The following TSC1 variants were observed in gnomAD, a reference collection of about 807,000 sequenced individuals.
TSC1 encodes the protein TSC complex subunit 1.
A neutral mutation model predicts 124.3 loss-of-function variants in TSC1; 20 were observed. The ratio of observed to expected loss-of-function variants is 0.16; its 90% CI spans 0.11 to 0.23. TSC1 has a LOEUF of 0.23. Among genes scored for constraint, TSC1 ranks in the 10% least tolerant of loss-of-function variants. TSC1 has a pLI of 1.00. For missense variants in TSC1, 1,124 were observed against 1,448.5 expected (o/e 0.78, Z 3.64); for synonymous variants, 493 against 539.1 (o/e 0.91, Z 1.19).
At position 132,891,380 on chromosome 9, in the gene TSC1, CAGTT is replaced by C. The variant is rs1348836524; in HGVS notation, c.*4851_*4854del. Reference sequence around the variant, plus strand: ...AAAACAATAAATTTTTATTTGTTCACAGTTAAACACAAGCAACTGCCTTGACATT... The same window carrying C: ...AAAACAATAAATTTTTATTTGTTCACAAACACAAGCAACTGCCTTGACATT... On this transcript the variant is annotated 3_prime_UTR_variant, in exon 23 of 23. Coordinates refer to ENST00000298552, the MANE Select transcript of TSC1 (RefSeq NM_000368.5). The C allele has an allele frequency of 4.3e-6, 1 of 232,434 alleles. No individual in the cohort carries two copies. Among genetic ancestry groups the C allele is most frequent in the Non-Finnish European group, 8.5e-6 (1 of 117,360 alleles). 14.4% of individuals were successfully genotyped at this position (232,434 alleles called of 1,614,324 possible). A position where few individuals can be genotyped will look rare whatever the true frequency, so the allele number is the denominator to read the frequency against.
chr9:132,899,860 G>A (rs886410023), intron 20 of TSC1: 2 of 152,128 alleles, frequency 1.3e-5, no homozygotes, highest in Admixed American at 6.5e-5. Context: ...CTTGTGCCTC[G>A]GATCTGTTTC....
chr9:132,910,696 A>G lies in TSC1; in HGVS notation c.1142-4T>C. On this transcript the variant is annotated splice_region_variant and splice_polypyrimidine_tract_variant and intron_variant, in intron 11 of 22. Coordinates refer to ENST00000298552, the MANE Select transcript of TSC1 (RefSeq NM_000368.5). ...AGAGGAGTTCCTTTTCCACCTGCTT[A>G]GAGACAAGGGCAGAACATATATGAA... 1 of 1,613,568 alleles carries G rather than the reference A, an allele frequency of 6.2e-7. No individual in the cohort carries two copies. Among genetic ancestry groups the G allele is most frequent in the Non-Finnish European group, 8.5e-7 (1 of 1,180,030 alleles).
rs141008354 is a variant in TSC1, at chr9:132,896,989, G to A, written c.2975+195C>T. On this transcript the variant is annotated intron_variant, in intron 22 of 22. Coordinates refer to ENST00000298552, the MANE Select transcript of TSC1 (RefSeq NM_000368.5). This position sits in a 1 kb window ranked among gnomAD's most constrained non-coding sequence, Gnocchi z 4.5. Reference sequence around the variant, plus strand: ...CTGTGGCCATATGGAGGGACTCAAGGCCAGGAACACGAACACGAAGAGATC... The same window carrying A: ...CTGTGGCCATATGGAGGGACTCAAGACCAGGAACACGAACACGAAGAGATC... Among the ~76,000 whole-genome samples, 23 of 152,298 alleles carry A rather than the reference G, an allele frequency of 1.5e-4. No homozygotes were observed. Among genetic ancestry groups the A allele is most frequent in the Non-Finnish European group, 2.9e-4 (20 of 68,032 alleles).
At chr9:132,899,285 C>T (rs1845249186) in intron 20 of TSC1, 1 of 152,230 alleles carries the variant, frequency 6.6e-6, no homozygotes, top group South Asian at 2.1e-4. Flanking sequence ...GTGGGGACAT[C>T]ATTGTGTCTG....
chr9:132,917,337 C>G (rs1846315666), intron 8 of TSC1, among the ~76,000 whole-genome samples: 1 of 151,980 alleles, frequency 6.6e-6, no homozygotes, highest in Non-Finnish European at 1.5e-5. Flanking sequence ...GTTTTCTTCT[C>G]TCTCTTTTTC....
chr9:132,894,558 C>A lies in TSC1; in HGVS notation c.*1677G>T, dbSNP rs1844929534. 8.8e-6 allele frequency: 2 copies of A among 228,568 alleles called. No homozygotes were observed. The highest frequency in any genetic ancestry group is 1.7e-5 in the Non-Finnish European group (2 of 114,952). The allele number at this position is 228,568 out of a possible 1,614,324, so 14.2% of individuals were successfully genotyped here. A position where few individuals can be genotyped will look rare whatever the true frequency, so the allele number is the denominator to read the frequency against. ...CTAGGCTGAGTAGTTGGGACCACGC[C>A]CTGCCACAGGCTGGGAATCAGTCAC... On this transcript the variant is annotated 3_prime_UTR_variant, in exon 23 of 23. Transcript: ENST00000298552.
In TSC1 at chr9:132,905,807, G is replaced by A. The variant is rs1429666367; in HGVS notation, c.1771C>T (p.Pro591Ser). Residue 591 changes from proline to serine, a missense_variant, in exon 15 of 23, where the codon CCG becomes TCG. By Grantham distance (74) the Pro-to-Ser change is moderately conservative. Around this residue, in one of 5 missense-constraint regions of TSC1, gnomAD observed 321 missense variants for 397.4 expected, o/e 0.81. Transcript: ENST00000298552. Reference sequence around the variant, plus strand: ...CCGCTTCCAAAGCCCACTCTCGTCGGAGGTGGAATTTTACAAGGACTGGGA... The same window carrying A: ...CCGCTTCCAAAGCCCACTCTCGTCGAAGGTGGAATTTTACAAGGACTGGGA... ...FTPSPCKIPP[P>S]TRVGFGSGQP... 2 of 1,614,220 alleles carry A rather than the reference G, an allele frequency of 1.2e-6. No individual in the cohort carries two copies. Among genetic ancestry groups the A allele is most frequent in the Non-Finnish European group, 1.7e-6 (2 of 1,180,048 alleles).
rs2132149022 is a variant in TSC1, at chr9:132,921,820, T to C, written c.662A>G (p.Lys221Arg). ...AACAAACAAGCAGTTTCAATTTACC[T>C]TGACCACTTCTTCAAAAGTCTCCAG... is the stretch of plus-strand genomic sequence containing the variant. ...ENLETFEEVV[K>R]PMMEHVRIHP... is the part of the protein sequence containing the mutation. The change falls in exon 7 of 23, where the codon AAG (lysine) becomes AGG (arginine). Residue 221 changes from lysine (K) to arginine (R), a missense_variant and splice_region_variant. Lys to Arg is a conservative substitution (Grantham distance 26). Transcript: ENST00000298552. This position sits in a 1 kb window ranked among gnomAD's most constrained non-coding sequence, Gnocchi z 4.3. 6.2e-7 allele frequency: 1 copy of C among 1,614,188 alleles called. No individual in the cohort carries two copies. Among genetic ancestry groups the C allele is most frequent in the Non-Finnish European group, 8.5e-7 (1 of 1,180,004 alleles).
At chr9:132,905,093 G>A (rs1469951378) in intron 15 of TSC1, among the ~76,000 whole-genome samples, 2 of 152,168 alleles carry the variant, frequency 1.3e-5, no homozygotes, top group Non-Finnish European at 2.9e-5. Flanking sequence ...GGGTGCCTCA[G>A]GGGGTCTGGA....
In TSC1 at chr9:132,893,042, C is replaced by T. The variant is rs1460069399; in HGVS notation, c.*3193G>A. On this transcript the variant is annotated 3_prime_UTR_variant, in exon 23 of 23. Transcript: ENST00000298552. Reference sequence around the variant, plus strand: ...GTGAATTTTTCTAATTGTCCTGGGTCGTAACAGTTCACCTTCTCAGAACAG... The same window carrying T: ...GTGAATTTTTCTAATTGTCCTGGGTTGTAACAGTTCACCTTCTCAGAACAG... 4 of 233,288 alleles carry T rather than the reference C, an allele frequency of 1.7e-5. No homozygotes were observed. The highest frequency in any genetic ancestry group is 3.6e-4 in the South Asian group (2 of 5,526). 14.5% of individuals were successfully genotyped at this position (233,288 alleles called of 1,614,324 possible). A position where few individuals can be genotyped will look rare whatever the true frequency, so the allele number is the denominator to read the frequency against.
At position 132,905,998 on chromosome 9, in the gene TSC1, T is replaced by C. The variant is rs767708806; in HGVS notation, c.1580A>G (p.Gln527Arg). 1.2e-5 allele frequency: 19 copies of C among 1,613,774 alleles called. No individual in the cohort carries two copies. Among genetic ancestry groups the C allele is most frequent in the Non-Finnish European group, 1.6e-5 (19 of 1,179,970 alleles). ...RKTHSAASSSQGASVNPEPLH... is the reference protein window; with the variant it reads ...RKTHSAASSSRGASVNPEPLH... Reference sequence around the variant, plus strand: ...AGGCTCAGGGTTCACGCTGGCGCCCTGAGAACTGGAGGCTGCCGAGTGGGT... The same window carrying C: ...AGGCTCAGGGTTCACGCTGGCGCCCCGAGAACTGGAGGCTGCCGAGTGGGT... The change falls in exon 15 of 23, where the codon CAG (glutamine) becomes CGG (arginine). Residue 527 changes from glutamine (Q) to arginine (R), a missense_variant. Gln to Arg is a conservative substitution (Grantham distance 43, BLOSUM62 1). This residue lies in a region of TSC1 where 321 missense variants were observed against 397.4 expected (regional missense o/e 0.81). Coordinates refer to ENST00000298552, the MANE Select transcript of TSC1 (RefSeq NM_000368.5).
At chr9:132,938,935 G>A (rs1207929407) in intron 1 of TSC1, 1 of 152,128 alleles carries the variant, frequency 6.6e-6, no homozygotes, top group Non-Finnish European at 1.5e-5. Context: ...ATTTGCCTAA[G>A]ATAATTTTGT....
intron 2 of TSC1, among the ~76,000 whole-genome samples, chr9:132,933,070 G>T (rs1564508859): frequency 6.6e-6 from 1 of 152,142 alleles, no homozygotes; most frequent in South Asian, 2.1e-4. Flanking sequence ...TTGGTGTTTT[G>T]TTTGTTTTTA....
intron 8 of TSC1, among the ~76,000 whole-genome samples, chr9:132,920,135 T>C (rs930859076): frequency 6.6e-6 from 1 of 152,184 alleles, no homozygotes; most frequent in African/African-American, 2.4e-5. Context: ...TTCATGACCT[T>C]GTGCACTGAC....
chr9:132,905,938 G>A lies in TSC1; in HGVS notation c.1640C>T (p.Thr547Ile), dbSNP rs769040084. ...TATGGGAGTAAAGGCTTGCTTTGGT[G>A]TGTCAGGCCCAAGCTTGTCCAGGGA... ...HSSLDKLGPD[T>I]PKQAFTPIDL... Residue 547 changes from threonine (T) to isoleucine (I), a missense_variant, in exon 15 of 23, where the codon ACA (threonine) becomes ATA (isoleucine). This residue lies in a region of TSC1 where 321 missense variants were observed against 397.4 expected (regional missense o/e 0.81). Coordinates refer to ENST00000298552, the MANE Select transcript of TSC1 (RefSeq NM_000368.5). 5.0e-6 allele frequency: 8 copies of A among 1,613,880 alleles called. No homozygotes were observed. The highest frequency in any genetic ancestry group is 2.2e-5 in the South Asian group (2 of 91,080).
chr9:132,911,779 A>C (rs1430945297), intron 9 of TSC1, among the ~76,000 whole-genome samples: 1 of 152,178 alleles, frequency 6.6e-6, no homozygotes, highest in Non-Finnish European at 1.5e-5. Context: ...CCTTTGAAAT[A>C]AAGTTCAATA....
At position 132,892,506 on chromosome 9, in the gene TSC1, C is replaced by G. The variant is rs543396172; in HGVS notation, c.*3729G>C. ...GCTTCCTTCTCCAGGTGGGGCAGAG[C>G]CCCCTGGGGGAACAACTCTCCAAGA... On this transcript the variant is annotated 3_prime_UTR_variant, in exon 23 of 23. Coordinates refer to ENST00000298552, the MANE Select transcript of TSC1 (RefSeq NM_000368.5). The G allele has an allele frequency of 4.3e-6, 1 of 233,236 alleles. No individual in the cohort carries two copies. Among genetic ancestry groups the G allele is most frequent in the Admixed American group, 5.6e-5 (1 of 17,788 alleles). The allele number at this position is 233,236 out of a possible 1,614,324, so 14.4% of individuals were successfully genotyped here. A position where few individuals can be genotyped will look rare whatever the true frequency, so the allele number is the denominator to read the frequency against.
intron 3 of TSC1, among the ~76,000 whole-genome samples, chr9:132,928,213 A>G (rs117057820): frequency 0.035 from 5,302 of 152,268 alleles, 155 homozygotes; most frequent in Non-Finnish European, 0.053. Flanking sequence ...GGTTTTTCCA[A>G]TTCTTCACTG....
rs149234000 is a variant in TSC1, at chr9:132,936,041, C to A, written c.-143-946G>T. 2.0e-5 allele frequency among the ~76,000 whole-genome samples: 3 copies of A among 152,350 alleles called. No individual in the cohort carries two copies. In the East Asian group the frequency reaches 5.8e-4, roughly 29 times the overall value. On this transcript the variant is annotated intron_variant, in intron 1 of 22. Coordinates refer to ENST00000298552, the MANE Select transcript of TSC1 (RefSeq NM_000368.5). ...GGGAGAGACCGCAGCTTACTCAGTACTGTATTTCAAGCAGCTACCATGCTG... is the reference window on the plus strand; with the variant it reads ...GGGAGAGACCGCAGCTTACTCAGTAATGTATTTCAAGCAGCTACCATGCTG...
Sources: allele counts gnomAD v4.1 joint callset (sites outside exome capture counted in the v4.1 genomes callset), GRCh38; gene constraint gnomAD v4.1.1; regional missense constraint gnomAD v4.1.1; non-coding constraint Gnocchi (gnomAD v3.1); transcripts MANE v1.5; gene names NCBI Gene and HGNC (gene_info 2026-07-23, HGNC 2026-07-21).